The following REEP2 variants were observed in gnomAD, a reference collection of about 807,000 sequenced individuals.
REEP2 encodes receptor expression-enhancing protein 2.
Under a neutral mutation model 32.1 loss-of-function variants are expected in REEP2, and 9 were observed. The ratio of observed to expected loss-of-function variants is 0.28; its 90% CI spans 0.17 to 0.49. REEP2 has a LOEUF of 0.49. REEP2 is among the 20% of genes least tolerant of loss of function. The pLI is 0.99. For synonymous variants in REEP2, 128 were observed against 139.1 expected (o/e 0.92, Z 0.56); for missense variants, 236 against 338.0 (o/e 0.70, Z 2.37).
At position 138,441,175 on chromosome 5, in the gene REEP2, T is replaced by G. The variant is rs926958459; in HGVS notation, c.105+87T>G. ...GGTCCTATTACAGATGGGGGTGACT[T>G]TGCACCAACACTGTCAGCCACTAAC... On this transcript the variant is annotated intron_variant, in intron 2 of 7. Coordinates refer to ENST00000378339, the MANE Select transcript of REEP2 (RefSeq NM_001271803.2). This position sits in a 1 kb window ranked among gnomAD's most constrained non-coding sequence, Gnocchi z 4.4. The G allele has an allele frequency of 1.7e-5, 26 of 1,548,222 alleles. No individual in the cohort carries two copies. The highest frequency in any genetic ancestry group is 2.3e-5 in the Non-Finnish European group (26 of 1,131,338).
Position 138,445,773 on chromosome 5 carries a change from G to T in REEP2, c.*22G>T, listed in dbSNP as rs200228753. On this transcript the variant is annotated 3_prime_UTR_variant, in exon 8 of 8. Transcript: ENST00000378339. ...TTGAGCCCCTCCACCCCCGCAGGCTGCAGAGCAAGGATGAAGCCTCAGGAG... is the reference window on the plus strand; with the variant it reads ...TTGAGCCCCTCCACCCCCGCAGGCTTCAGAGCAAGGATGAAGCCTCAGGAG... 21 of 1,608,818 alleles carry T rather than the reference G, an allele frequency of 1.3e-5. No individual in the cohort carries two copies. Among genetic ancestry groups the T allele is most frequent in the Non-Finnish European group, 1.8e-5 (21 of 1,177,434 alleles).
At chr5:138,439,617 C>G (rs1271655962) in intron 1 of REEP2, 11 of 477,432 alleles carry the variant, frequency 2.3e-5, no homozygotes, top group African/African-American at 3.9e-5. Flanking sequence ...GGCCCTGTCC[C>G]TCTGGGGGAG....
intron 3 of REEP2, chr5:138,444,007 G>T: frequency 6.2e-6 from 1 of 160,978 alleles, no homozygotes. Flanking sequence ...GAGCAAGCTA[G>T]AGAAGTCCCA....
chr5:138,441,082 G>C lies in REEP2; in HGVS notation c.99G>C (p.Lys33Asn). 6.2e-7 allele frequency: 1 copy of C among 1,613,880 alleles called. No individual in the cohort carries two copies. The highest frequency in any genetic ancestry group is 8.5e-7 in the Non-Finnish European group (1 of 1,180,024). The change falls in exon 2 of 8, where the codon AAG becomes AAC. Residue 33 changes from lysine to asparagine, a missense_variant. Coordinates refer to ENST00000378339, the MANE Select transcript of REEP2 (RefSeq NM_001271803.2). The surrounding 1 kb of genome is among the most constrained non-coding windows in gnomAD (Gnocchi z 4.4). ...SYKAVKTKNV[K>N]EYVKWMMYWI... ...AGGCCGTGAAGACAAAAAACGTGAA[G>C]GAATATGTGAGTGGATGACCCTTCA...
intron 1 of REEP2, chr5:138,439,756 G>A: frequency 2.2e-6 from 1 of 456,320 alleles, no homozygotes; most frequent in Non-Finnish European, 4.4e-6. Context: ...GAGGGCATAT[G>A]CCCTTAGGCC....
At position 138,445,360 on chromosome 5, in the gene REEP2, A is replaced by C. The variant is rs1170129952; in HGVS notation, c.550A>C (p.Thr184Pro). ...LRPSPGSLLDTIEDLGDDPAL... is the reference protein window; with the variant it reads ...LRPSPGSLLDPIEDLGDDPAL... Reference sequence around the variant, plus strand: ...ACCCAGCCCTGGCAGCCTCCTGGACACCATCGAGGACTTAGGTACAGGCAG... The same window carrying C: ...ACCCAGCCCTGGCAGCCTCCTGGACCCCATCGAGGACTTAGGTACAGGCAG... The change falls in exon 6 of 8, where the codon ACC becomes CCC. Residue 184 changes from threonine (T) to proline (P), a missense_variant. Physicochemically the swap from Thr to Pro is conservative, Grantham distance 38 (BLOSUM62 -1). Transcript: ENST00000378339. 1 of 1,612,266 alleles carries C rather than the reference A, an allele frequency of 6.2e-7. No individual in the cohort carries two copies. The highest frequency in any genetic ancestry group is 1.3e-5 in the African/African-American group (1 of 74,864).
At chr5:138,442,304 G>T (rs1339095237) in intron 3 of REEP2, among the ~76,000 whole-genome samples, 1 of 152,180 alleles carries the variant, frequency 6.6e-6, no homozygotes, top group African/African-American at 2.4e-5. Context: ...CGGAACTCAA[G>T]AAGAGAATTT....
Position 138,439,230 on chromosome 5 carries a change from C to G in REEP2, c.22C>G (p.Arg8Gly). ...CGCCATGGTGTCCTGGATCATCTCT[C>G]GCCTGGTGGTGTGAGTGCGGCGGCG... MVSWIIS[R>G]LVVLIFGTLY... The change falls in exon 1 of 8, where the codon CGC becomes GGC. Residue 8 changes from arginine (R) to glycine (G), a missense_variant. Transcript: ENST00000378339. 1 of 1,429,168 alleles carries G rather than the reference C, an allele frequency of 7.0e-7. No individual in the cohort carries two copies. The highest frequency in any genetic ancestry group is 2.0e-4 in the Middle Eastern group (1 of 4,890). The allele number at this position is 1,429,168 out of a possible 1,614,324, so 88.5% of individuals were successfully genotyped here.
chr5:138,440,849 TG>T, intron 1 of REEP2, 166 bp from the exon 2 acceptor site: 1 of 1,334,806 alleles, frequency 7.5e-7, no homozygotes, highest in Non-Finnish European at 1.0e-6. Flanking sequence ...CCTACCTGGC[TG>T]GGCATGTTCC....
At chr5:138,445,142 C>T (rs1293130614) in intron 5 of REEP2, 86 bp from the exon 6 acceptor site, 6 of 1,438,500 alleles carry the variant, frequency 4.2e-6, no homozygotes, top group South Asian at 1.3e-5. Context: ...GGCACCGAGC[C>T]TGGGGCTGCT....
rs1015892706 is a variant in REEP2 at position 138,444,832 on chromosome 5, C to T, written c.382C>T (p.Leu128Phe). The change falls in exon 5 of 8, where the codon CTT becomes TTT. Residue 128 changes from leucine to phenylalanine, a missense_variant. Leu to Phe is a conservative substitution (Grantham distance 22). Coordinates refer to ENST00000378339, the MANE Select transcript of REEP2 (RefSeq NM_001271803.2). Reference protein sequence around the residue: ...MMRVGKRGLNLAANAAVTAAA... With the variant: ...MMRVGKRGLNFAANAAVTAAA... ...GAGGGTGGGCAAGAGGGGCCTGAAC[C>T]TTGCCGCCAATGCTGCAGTCACAGC... 1.9e-6 allele frequency: 3 copies of T among 1,613,670 alleles called. No individual in the cohort carries two copies. Among genetic ancestry groups the T allele is most frequent in the Non-Finnish European group, 2.5e-6 (3 of 1,179,830 alleles).
Position 138,444,874 on chromosome 5 carries a change from T to A in REEP2, c.417+7T>A, listed in dbSNP as rs1239507828. On this transcript the variant is annotated splice_region_variant and intron_variant, in intron 5 of 7. Coordinates refer to ENST00000378339, the MANE Select transcript of REEP2 (RefSeq NM_001271803.2). The stretch of plus-strand genomic sequence containing the variant: ...AGTCACAGCTGCCGCCAAGGTGAGA[T>A]GGGGGCAGGCTCAGACTCCCAGGGC... The A allele has an allele frequency of 3.1e-6, 5 of 1,605,370 alleles. No homozygotes were observed. The highest frequency in any genetic ancestry group is 3.4e-6 in the Non-Finnish European group (4 of 1,174,938).
At chr5:138,444,580 A>G in intron 4 of REEP2, 45 bp downstream of exon 4, 1 of 1,608,930 alleles carries the variant, frequency 6.2e-7, no homozygotes, top group Non-Finnish European at 8.5e-7. Context: ...CCCCCAGCCA[A>G]GGCAGTCCAG....
chr5:138,443,975 C>G (rs1467125499), intron 3 of REEP2: 1 of 155,490 alleles, frequency 6.4e-6, no homozygotes, highest in African/African-American at 2.4e-5. Flanking sequence ...AGGGTCGTGT[C>G]ACGGTGGGGC....
Position 138,441,061 on chromosome 5 carries a change from C to T in REEP2, c.78C>T (p.Ala26=), listed in dbSNP as rs146777982. ...TLYPAYSSYK[A]VKTKNVKEYV... ...ACCCAGCCTATTCTTCCTACAAGGC[C>T]GTGAAGACAAAAAACGTGAAGGAAT... Residue 26 remains alanine (A), a synonymous_variant, in exon 2 of 8, where the codon GCC becomes GCT. Transcript: ENST00000378339. This position sits in a 1 kb window ranked among gnomAD's most constrained non-coding sequence, Gnocchi z 4.4. 2.9e-4 allele frequency: 472 copies of T among 1,613,774 alleles called. 2 individuals are homozygous for T. The African/African-American group carries it at 5.3e-3, about 18-fold the overall frequency.
rs766357657 is a variant in REEP2 at position 138,439,186 on chromosome 5, C to CCCGCG, written c.-15_-11dup. On this transcript the variant is annotated 5_prime_UTR_variant, in exon 1 of 8. Transcript: ENST00000378339. ...ATCCTCGGCCGGGCCGGGTCCCCGC[C>CCCGCG]CCGCGCCGCGCCCGGCCCCGCCATG... 1 of 1,360,244 alleles carries CCCGCG rather than the reference C, an allele frequency of 7.4e-7. No homozygotes were observed. Among genetic ancestry groups the CCCGCG allele is most frequent in the Non-Finnish European group, 9.4e-7 (1 of 1,058,772 alleles). 84.3% of individuals were successfully genotyped at this position (1,360,244 alleles called of 1,614,324 possible). A position where few individuals can be genotyped will look rare whatever the true frequency, so the allele number is the denominator to read the frequency against.
rs1312481116 is a variant in REEP2 at position 138,445,204 on chromosome 5, C to G, written c.418-24C>G. 4 of 1,564,564 alleles carry G rather than the reference C, an allele frequency of 2.6e-6. No individual in the cohort carries two copies. The African/African-American group carries it at 4.1e-5, about 16-fold the overall frequency. On this transcript the variant is annotated intron_variant, in intron 5 of 7. Transcript: ENST00000378339. The stretch of plus-strand genomic sequence containing the variant: ...CACCCCGCCCCTTCCCCCCGGCTCT[C>G]CCGGTGCGTGGTGGTGACCCTAGGG...
chr5:138,445,188 C>A, intron 5 of REEP2, 40 bp from the exon 6 acceptor site: 2 of 1,545,962 alleles, frequency 1.3e-6, no homozygotes, highest in Non-Finnish European at 1.7e-6. Context: ...CCACCCCGCC[C>A]CTTCCCCCCG....
In REEP2 at chr5:138,446,001, G is replaced by A. The variant is rs1763924743; in HGVS notation, c.*250G>A. On this transcript the variant is annotated 3_prime_UTR_variant, in exon 8 of 8. Transcript: ENST00000378339. Reference sequence around the variant, plus strand: ...TGAGGACTGAGCCACCCAAGGAGGTGGGGACTGCTCGGCCTCCACCGCTGT... The same window carrying A: ...TGAGGACTGAGCCACCCAAGGAGGTAGGGACTGCTCGGCCTCCACCGCTGT... The A allele has an allele frequency of 1.9e-6, 1 of 535,518 alleles. No individual in the cohort carries two copies. Among genetic ancestry groups the A allele is most frequent in the Non-Finnish European group, 3.3e-6 (1 of 302,634 alleles). The allele number at this position is 535,518 out of a possible 1,614,324, so 33.2% of individuals were successfully genotyped here. A position where few individuals can be genotyped will look rare whatever the true frequency, so the allele number is the denominator to read the frequency against.
Sources: gnomAD v4.1 joint callset for allele counts (sites outside exome capture counted in the v4.1 genomes callset) on GRCh38, gnomAD v4.1.1 for gene constraint, Gnocchi (gnomAD v3.1) non-coding constraint, MANE v1.5 for transcripts, NCBI Gene and HGNC (gene_info 2026-07-23, HGNC 2026-07-21) for gene names.